Variants in SPTLC1 observed in about 807,000 individuals in gnomAD.
SPTLC1 encodes serine palmitoyltransferase 1.
In SPTLC1, 55 loss-of-function variants were observed where a neutral mutation model predicts 68.9. The observed-to-expected ratio is 0.80, with a 90% CI of 0.64 to 1.00. The LOEUF is 1.00. Among genes scored for constraint, SPTLC1 ranks in the 50% least tolerant of loss-of-function variants. SPTLC1 has a pLI of 0.00. For synonymous variants in SPTLC1, 197 were observed against 201.6 expected (o/e 0.98, Z 0.19); for missense variants, 449 against 573.1 (o/e 0.78, Z 2.21).
chr9:92,038,703 A>C (rs1204858437), intron 12 of SPTLC1, among the ~76,000 whole-genome samples: 3 of 152,026 alleles, frequency 2.0e-5, no homozygotes, highest in East Asian at 3.9e-4. Context: ...CCTCGCCCCC[A>C]ATGTTTGTTC....
At chr9:92,047,753 A>G (rs1833571849) in intron 9 of SPTLC1, 45 bp from the exon 10 acceptor site, 1 of 1,394,744 alleles carries the variant, frequency 7.2e-7, no homozygotes, top group Non-Finnish European at 1.0e-6. Flanking sequence ...GTTTAAAGAA[A>G]AAAAAGGCCA....
At chr9:92,108,149 T>C (rs553672655) in intron 3 of SPTLC1, 1 of 155,198 alleles carries the variant, frequency 6.4e-6, no homozygotes, top group South Asian at 2.0e-4. Flanking sequence ...AGGTGTCTGA[T>C]ATCTATATCT....
chr9:92,055,889 T>C (rs900811585), intron 7 of SPTLC1, among the ~76,000 whole-genome samples: 2 of 152,204 alleles, frequency 1.3e-5, no homozygotes, highest in East Asian at 1.9e-4. Flanking sequence ...ATTGTATGGC[T>C]GCATTCATGT....
chr9:92,061,509 T>C (rs1031946961), intron 6 of SPTLC1, among the ~76,000 whole-genome samples: 1 of 152,138 alleles, frequency 6.6e-6, no homozygotes. Context: ...AAGGAAGCCT[T>C]CTAAATAGGA....
chr9:92,106,220 A>T (rs1445246468), intron 3 of SPTLC1, among the ~76,000 whole-genome samples: 1 of 152,176 alleles, frequency 6.6e-6, no homozygotes, highest in African/African-American at 2.4e-5. Flanking sequence ...GCCCTCCCCA[A>T]GTCTGCATTT....
intron 12 of SPTLC1, 129 bp from the exon 13 acceptor site, chr9:92,038,494 A>T: frequency 1.3e-6 from 1 of 754,442 alleles, no homozygotes; most frequent in Non-Finnish European, 2.4e-6. Context: ...ACTGATGGGA[A>T]GCATCATTCC....
At chr9:92,045,535 A>AAC (rs1554706129) in intron 12 of SPTLC1, among the ~76,000 whole-genome samples, 1 of 142,938 alleles carries the variant, frequency 7.0e-6, no homozygotes, top group East Asian at 2.0e-4. Context: ...AAAAAAAAAA[A>AAC]AAAAAAAAAA....
intron 3 of SPTLC1, among the ~76,000 whole-genome samples, chr9:92,092,399 TA>T (rs1420361043): frequency 6.6e-6 from 1 of 151,966 alleles, no homozygotes; most frequent in Non-Finnish European, 1.5e-5. Context: ...AAAAGAAAAT[TA>T]AAAAATATTT....
chr9:92,070,755 G>C (rs751416329), intron 5 of SPTLC1, among the ~76,000 whole-genome samples: 33 of 152,160 alleles, frequency 2.2e-4, no homozygotes, highest in Non-Finnish European at 4.1e-4. Flanking sequence ...AAAACACTTA[G>C]AACACTGCCT....
chr9:92,045,338 C>T (rs1833470307), intron 12 of SPTLC1, among the ~76,000 whole-genome samples: 1 of 150,670 alleles, frequency 6.6e-6, no homozygotes, highest in Non-Finnish European at 1.5e-5. Flanking sequence ...GGAGATATCA[C>T]CAACCTCCAT....
chr9:92,047,364 G>A (rs2118448940), intron 10 of SPTLC1, 96 bp from the exon 11 acceptor site: 1 of 1,017,750 alleles, frequency 9.8e-7, no homozygotes, highest in South Asian at 1.3e-5. Context: ...ACTGAACAGT[G>A]TGTACATGTG....
At chr9:92,106,002 G>A (rs1229388394) in intron 3 of SPTLC1, among the ~76,000 whole-genome samples, 1 of 148,578 alleles carries the variant, frequency 6.7e-6, no homozygotes, top group Non-Finnish European at 1.5e-5. Flanking sequence ...CTGCCCAGCC[G>A]CCACCCTGTC....
At chr9:92,050,984 C>T (rs888428005) in intron 8 of SPTLC1, 12 of 984,414 alleles carry the variant, frequency 1.2e-5, no homozygotes, top group Non-Finnish European at 1.4e-5. Flanking sequence ...AGCTTCAGTG[C>T]TTATCTACAC....
At chr9:92,033,537 TA>T (rs984298519) in intron 14 of SPTLC1, among the ~76,000 whole-genome samples, 4 of 151,830 alleles carry the variant, frequency 2.6e-5, no homozygotes, top group Non-Finnish European at 4.4e-5. Flanking sequence ...TACTAACAAG[TA>T]AACGTAGGAT....
intron 3 of SPTLC1, chr9:92,104,912 G>A (rs200672925): frequency 3.8e-5 from 58 of 1,534,270 alleles, no homozygotes; most frequent in Middle Eastern, 2.3e-4. Context: ...CAAGGGCCAT[G>A]GAGTCGCCAG....
chr9:92,073,819 C>T (rs1428498420), intron 5 of SPTLC1, among the ~76,000 whole-genome samples: 4 of 152,232 alleles, frequency 2.6e-5, no homozygotes, highest in African/African-American at 9.6e-5. Flanking sequence ...AAAACAAACC[C>T]CAGCAGCACC....
At chr9:92,051,007 T>A in intron 8 of SPTLC1, 1 of 985,248 alleles carries the variant, frequency 1.0e-6, no homozygotes, top group Non-Finnish European at 1.2e-6. Flanking sequence ...GAGCTGTTCC[T>A]ACACTTCATC....
chr9:92,050,246 C>G (rs1259405437), intron 8 of SPTLC1, 179 bp from the exon 9 acceptor site: 8 of 576,494 alleles, frequency 1.4e-5, no homozygotes, highest in Non-Finnish European at 2.2e-5. Context: ...TACTTTTTTC[C>G]TGTCATCACG....
intron 3 of SPTLC1, among the ~76,000 whole-genome samples, chr9:92,101,789 G>C (rs933307677): frequency 2.3e-4 from 35 of 151,050 alleles, no homozygotes; most frequent in Middle Eastern, 3.2e-3. Context: ...AAGTCTATGA[G>C]ACTTGTGCCA....
Sources: allele counts gnomAD v4.1 joint callset (sites outside exome capture counted in the v4.1 genomes callset), GRCh38; gene constraint gnomAD v4.1.1; transcripts MANE v1.5; gene names NCBI Gene and HGNC (gene_info 2026-07-23, HGNC 2026-07-21).